Variants in PLEC observed in about 807,000 individuals in gnomAD.
PLEC encodes the protein hemidesmosomal protein 1.
PLEC carries 216 observed loss-of-function variants against 392.8 expected under a neutral mutation model. The ratio of observed to expected loss-of-function variants is 0.55; its 90% CI spans 0.49 to 0.62. The LOEUF (loss-of-function observed/expected upper bound fraction) is 0.62, where lower values mean the gene tolerates loss of function less well. Ranked by LOEUF, PLEC falls within the 20% of genes least tolerant of loss-of-function variation. The pLI, the probability that PLEC is intolerant of heterozygous loss-of-function variation, is 0.00. For synonymous variants in PLEC, 3,621 were observed against 2,980.6 expected (o/e 1.21, Z -7.00); for missense variants, 6,863 against 6,563.4 (o/e 1.05, Z -1.58).
upstream of PLEC, among the ~76,000 whole-genome samples, chr8:143,954,557 C>T (rs1176634358): frequency 6.6e-6 from 1 of 152,226 alleles, no homozygotes; most frequent in Non-Finnish European, 1.5e-5. The surrounding 1 kb of genome is among the most constrained non-coding windows in gnomAD (Gnocchi z 4.6). Flanking sequence ...TCACCCACCC[C>T]CCACGACCAC....
rs781920142 is a variant in PLEC at position 143,923,007 on chromosome 8, C to A, written c.6922G>T (p.Ala2308Ser). ...EEDLAQQRAL[A>S]EKMLKEKMQA... is the part of the protein sequence containing the mutation. ...ATCTTCTCCTTGAGCATCTTCTCTG[C>A]CAAGGCCCGCTGCTGTGCCAGGTCC... Residue 2308 changes from alanine (A) to serine (S), a missense_variant, in exon 31 of 32, where the codon GCA becomes TCA. Ala to Ser is a moderately conservative substitution (Grantham distance 99). Coordinates refer to ENST00000345136, the MANE Select transcript of PLEC (RefSeq NM_201384.3). 2.5e-6 allele frequency: 4 copies of A among 1,611,746 alleles called. No individual in the cohort carries two copies. In the South Asian group the frequency reaches 4.4e-5, roughly 18 times the overall value.
intron 25 of PLEC, 86 bp downstream of exon 25, chr8:143,929,017 T>A: frequency 7.1e-6 from 9 of 1,261,146 alleles, no homozygotes; most frequent in Non-Finnish European, 1.0e-5. Flanking sequence ...ACTCGTTCCC[T>A]CCTGCACCCT....
chr8:143,944,518 G>A (rs868909790), upstream of PLEC: 15 of 506,812 alleles, frequency 3.0e-5, no homozygotes, highest in South Asian at 6.1e-4. Flanking sequence ...CTGGGTGAGG[G>A]CACATGAGGC....
intron 6 of PLEC, 76 bp downstream of exon 6, chr8:143,935,772 C>G: frequency 6.6e-7 from 1 of 1,514,142 alleles, no homozygotes. Context: ...CCTGCCCCAA[C>G]GTGTCTGAAG....
chr8:143,925,387 C>T lies in PLEC; in HGVS notation c.4542G>A (p.Glu1514=). The change falls in exon 31 of 32, where the codon GAG becomes GAA. Residue 1514 remains glutamate, a synonymous_variant. Transcript: ENST00000345136. ...CCTTCACGCGCGAGGCCAGCTCCAC[C>T]TCCGCCTGCCGCTTACGCTGGCTCT... is the stretch of plus-strand genomic sequence containing the variant. The part of the protein sequence containing the change: ...QDESQRKRQA[E]VELASRVKAE... 6.3e-7 allele frequency: 1 copy of T among 1,578,442 alleles called. No homozygotes were observed. Among genetic ancestry groups the T allele is most frequent in the Non-Finnish European group, 8.5e-7 (1 of 1,169,734 alleles).
chr8:143,965,752 C>T (rs1442138852), intron 1 of PLEC, among the ~76,000 whole-genome samples: 1 of 152,212 alleles, frequency 6.6e-6, no homozygotes, highest in African/African-American at 2.4e-5. Flanking sequence ...CCAGGGCCCT[C>T]AGTGGTGAGC....
chr8:143,938,639 G>C lies in PLEC; in HGVS notation c.166C>G (p.Leu56Val). Residue 56 changes from leucine to valine, a missense_variant, in exon 2 of 32, where the codon CTC (leucine) becomes GTC (valine). By Grantham distance (32) the Leu-to-Val change is conservative. Transcript: ENST00000345136. ...KTFTKWVNKH[L>V]IKAQRHISDL... ...CAGCATGCGCCACCAACCTTGATGA[G>C]GTGCTTGTTGACCCACTTGGTGAAG... is the stretch of plus-strand genomic sequence containing the variant. The C allele has an allele frequency of 1.2e-6, 2 of 1,613,842 alleles. No homozygotes were observed. The highest frequency in any genetic ancestry group is 1.7e-6 in the Non-Finnish European group (2 of 1,179,922).
rs1374428550 is a variant in PLEC, at chr8:143,921,970, G to A, written c.7851C>T (p.Ala2617=). ...GGGTCTTTGTGGCAGCCACCTGCGAGGCAGTGACCTCCTCTGAGTGCGCCA... is the reference window on the plus strand; with the variant it reads ...GGGTCTTTGTGGCAGCCACCTGCGAAGCAGTGACCTCCTCTGAGTGCGCCA... ...AALAHSEEVT[A]SQVAATKTLP... Residue 2617 remains alanine (A), a synonymous_variant, in exon 32 of 32, where the codon GCC becomes GCT. Transcript: ENST00000345136. 1 of 1,598,738 alleles carries A rather than the reference G, an allele frequency of 6.3e-7. No individual in the cohort carries two copies. The highest frequency in any genetic ancestry group is 8.5e-7 in the Non-Finnish European group (1 of 1,179,768).
At chr8:143,953,857 G>T (rs1467903543), upstream of PLEC, 2 of 1,576,514 alleles carry the variant, frequency 1.3e-6, no homozygotes, top group African/African-American at 2.7e-5. Flanking sequence ...GCCGCAGCCG[G>T]GGGAGGAGCC....
At chr8:143,935,626 C>A (rs1828838092) in intron 6 of PLEC, among the ~76,000 whole-genome samples, 1 of 152,144 alleles carries the variant, frequency 6.6e-6, no homozygotes, top group Admixed American at 6.5e-5. Context: ...GCTGTGAGGA[C>A]CAGCAGCCCG....
At position 143,921,038 on chromosome 8, in the gene PLEC, A is replaced by G. The variant is rs782139969; in HGVS notation, c.8783T>C (p.Ile2928Thr). Residue 2928 changes from isoleucine to threonine, a missense_variant, in exon 32 of 32, where the codon ATC becomes ACC. By Grantham distance (89) the Ile-to-Thr change is moderately conservative. Coordinates refer to ENST00000345136, the MANE Select transcript of PLEC (RefSeq NM_201384.3). ...QGKTVTIWEI[I>T]NSEYFTAEQR... ...CTCTGCCGTGAAGTATTCCGAGTTG[A>G]TGATCTCCCAAATGGTCACCGTCTT... The G allele has an allele frequency of 6.2e-7, 1 of 1,612,766 alleles. No homozygotes were observed. Among genetic ancestry groups the G allele is most frequent in the Non-Finnish European group, 8.5e-7 (1 of 1,180,016 alleles).
chr8:143,916,467 G>A lies in PLEC; in HGVS notation c.13354C>T (p.Arg4452Cys), dbSNP rs782371632. The A allele has an allele frequency of 4.1e-5, 66 of 1,611,832 alleles. No individual in the cohort carries two copies. Among genetic ancestry groups the A allele is most frequent in the East Asian group, 1.1e-4 (5 of 44,840 alleles). The part of the protein sequence containing the change: ...LKISYKDALD[R>C]SMVEEGTGLR... Reference sequence around the variant, plus strand: ...CCCGTGCCCTCCTCCACCATGCTGCGGTCCAGCGCGTCCTTATAGGAGATC... The same window carrying A: ...CCCGTGCCCTCCTCCACCATGCTGCAGTCCAGCGCGTCCTTATAGGAGATC... The change falls in exon 32 of 32, where the codon CGC (arginine) becomes TGC (cysteine). Residue 4452 changes from arginine (R) to cysteine (C), a missense_variant. Arg to Cys is a radical substitution (Grantham distance 180). Transcript: ENST00000345136.
chr8:143,929,239 G>T lies in PLEC; in HGVS notation c.3124C>A (p.Arg1042=), dbSNP rs367740468. ...ACCTTCTCGGCCTCGGCAGAGAGCC[G>T]GGCGACCCCCTTGCCCAGCCCCTCC... ...EVEGLGKGVA[R]LSAEAEKVLA... The change falls in exon 25 of 32, where the codon CGG becomes AGG. Residue 1042 remains arginine (R), a synonymous_variant. Coordinates refer to ENST00000345136, the MANE Select transcript of PLEC (RefSeq NM_201384.3). 6.2e-7 allele frequency: 1 copy of T among 1,602,210 alleles called. No individual in the cohort carries two copies. Among genetic ancestry groups the T allele is most frequent in the Non-Finnish European group, 8.5e-7 (1 of 1,179,298 alleles).
At chr8:143,951,983 C>T (rs1333237064), upstream of PLEC, among the ~76,000 whole-genome samples, 1 of 152,142 alleles carries the variant, frequency 6.6e-6, no homozygotes, top group Non-Finnish European at 1.5e-5. Context: ...TATCGCTGCT[C>T]GCCCCAAGCC....
chr8:143,958,133 C>A (rs1415141656), upstream of PLEC, among the ~76,000 whole-genome samples: 1 of 150,840 alleles, frequency 6.6e-6, no homozygotes, highest in Non-Finnish European at 1.5e-5. The surrounding 1 kb of genome is among the most constrained non-coding windows in gnomAD (Gnocchi z 4.9). Context: ...CTTGGCCCAA[C>A]AACAGCCCGG....
chr8:143,940,971 G>C (rs1830354248), upstream of PLEC, among the ~76,000 whole-genome samples: 1 of 152,198 alleles, frequency 6.6e-6, no homozygotes, highest in African/African-American at 2.4e-5. Flanking sequence ...GCAGCCTCCA[G>C]AACCTCAGGA....
Position 143,921,914 on chromosome 8 carries a change from G to C in PLEC, c.7907C>G (p.Pro2636Arg). 6.3e-7 allele frequency: 1 copy of C among 1,599,840 alleles called. No homozygotes were observed. The highest frequency in any genetic ancestry group is 1.1e-5 in the South Asian group (1 of 91,032). Residue 2636 changes from proline to arginine, a missense_variant, in exon 32 of 32, where the codon CCC (proline) becomes CGC (arginine). Physicochemically the swap from Pro to Arg is moderately radical, Grantham distance 103. Coordinates refer to ENST00000345136, the MANE Select transcript of PLEC (RefSeq NM_201384.3). ...GTGCTCCGGCTCTGCCTCTGCCGCG[G>C]GGCCATCAAGTGCATCCCGGCCATT... ...LPNGRDALDG[P>R]AAEAEPEHSF...
At chr8:143,926,237 G>A (rs1339420523) in intron 30 of PLEC, among the ~76,000 whole-genome samples, 1 of 152,218 alleles carries the variant, frequency 6.6e-6, no homozygotes. Flanking sequence ...CTGGACACCA[G>A]TGGGCCTGGC....
In PLEC at chr8:143,931,991, T is replaced by A. The variant is rs1827417501; in HGVS notation, c.2124A>T (p.Leu708=). Residue 708 remains leucine (L), a synonymous_variant, in exon 18 of 32, where the codon CTA becomes CTT. Coordinates refer to ENST00000345136, the MANE Select transcript of PLEC (RefSeq NM_201384.3). ...GTGCCTCGATACAGCAGCACAGCTG[T>A]AGCATCCAGCTCCACTGCGTCTGCA... ...AALQTQWSWM[L]QLCCCIEAHL... is the part of the protein sequence containing the mutation. 2 of 1,607,594 alleles carry A rather than the reference T, an allele frequency of 1.2e-6. No homozygotes were observed. Among genetic ancestry groups the A allele is most frequent in the African/African-American group, 2.7e-5 (2 of 74,784 alleles).
Sources: allele counts gnomAD v4.1 joint callset (sites outside exome capture counted in the v4.1 genomes callset), GRCh38; gene constraint gnomAD v4.1.1; non-coding constraint Gnocchi (gnomAD v3.1); transcripts MANE v1.5; gene names NCBI Gene and HGNC (gene_info 2026-07-23, HGNC 2026-07-21).